The following HSPE1 variants were observed in gnomAD, a reference collection of about 807,000 sequenced individuals.
HSPE1 encodes the protein 10 kDa heat shock protein, mitochondrial.
In HSPE1, 1 loss-of-function variant was observed where a neutral mutation model predicts 13.2. That is an observed-to-expected ratio of 0.08 (90% CI 0.03 to 0.36). The LOEUF is 0.36. HSPE1 is among the 10% of genes least tolerant of loss of function. The pLI is 0.99. For missense variants in HSPE1, 73 were observed against 118.7 expected (o/e 0.62, Z 1.79); for synonymous variants, 44 against 42.0 (o/e 1.05, Z -0.19).
intron 1 of HSPE1, chr2:197,500,675 C>T (rs2086240308): frequency 1.3e-5 from 8 of 628,228 alleles, no homozygotes; most frequent in Non-Finnish European, 1.9e-5. Context: ...CGGGCGCACG[C>T]GCAGCGTCTC....
intron 2 of HSPE1, 35 bp downstream of exon 2, chr2:197,501,273 G>T (rs1396901783): frequency 6.4e-7 from 1 of 1,563,526 alleles, no homozygotes; most frequent in Admixed American, 2.0e-5. Context: ...ATTTTTTATA[G>T]TGTGCAGTGG....
chr2:197,502,548 T>C (rs2086270265), intron 2 of HSPE1, among the ~76,000 whole-genome samples: 2 of 152,148 alleles, frequency 1.3e-5, no homozygotes, highest in African/African-American at 4.8e-5. Context: ...TTAGCTGCAG[T>C]CCCTTTCCCC....
At position 197,503,295 on chromosome 2, in the gene HSPE1, T is replaced by C. The variant is rs772470500; in HGVS notation, c.*36T>C. 2.3e-6 allele frequency: 3 copies of C among 1,332,586 alleles called. No individual in the cohort carries two copies. In the East Asian group the frequency reaches 6.9e-5, roughly 31 times the overall value. The allele number at this position is 1,332,586 out of a possible 1,614,324, so 82.5% of individuals were successfully genotyped here. A position where few individuals can be genotyped will look rare whatever the true frequency, so the allele number is the denominator to read the frequency against. On this transcript the variant is annotated 3_prime_UTR_variant, in exon 4 of 4. Coordinates refer to ENST00000233893, the MANE Select transcript of HSPE1 (RefSeq NM_002157.3). ...TATTGAAATGGCATCAACATGATGCTGCCCATTCCACTGAAGTTCTGAAAT... is the reference window on the plus strand; with the variant it reads ...TATTGAAATGGCATCAACATGATGCCGCCCATTCCACTGAAGTTCTGAAAT...
intron 1 of HSPE1, chr2:197,500,673 C>G: frequency 1.6e-6 from 1 of 629,756 alleles, no homozygotes; most frequent in Admixed American, 2.9e-5. Context: ...CCCGGGCGCA[C>G]GCGCAGCGTC....
In HSPE1 at chr2:197,503,029, C is replaced by CT; in HGVS notation, c.169-4dup. On this transcript the variant is annotated splice_polypyrimidine_tract_variant and intron_variant, in intron 2 of 3. Coordinates refer to ENST00000233893, the MANE Select transcript of HSPE1 (RefSeq NM_002157.3). ...ATATCTTTGCTAATAAACATCCTTCCTTTTTTAAGGGTGGAGAGATTCAAC... is the reference window on the plus strand; with the variant it reads ...ATATCTTTGCTAATAAACATCCTTCCTTTTTTTAAGGGTGGAGAGATTCAAC... 2 of 1,538,858 alleles carry CT rather than the reference C, an allele frequency of 1.3e-6. No individual in the cohort carries two copies. Among genetic ancestry groups the CT allele is most frequent in the Admixed American group, 1.7e-5 (1 of 58,494 alleles).
At chr2:197,500,837 A>T in intron 1 of HSPE1, 1 of 597,368 alleles carries the variant, frequency 1.7e-6, no homozygotes, top group South Asian at 2.2e-5. Context: ...GGTTGACCTT[A>T]AAGCTGGTCT....
chr2:197,501,270 A>G, intron 2 of HSPE1, 32 bp downstream of exon 2: 2 of 1,580,078 alleles, frequency 1.3e-6, no homozygotes, highest in Non-Finnish European at 1.7e-6. Flanking sequence ...ACTATTTTTT[A>G]TAGTGTGCAG....
chr2:197,501,413 TTTTA>T, intron 2 of HSPE1, 175 bp downstream of exon 2: 1 of 723,168 alleles, frequency 1.4e-6, no homozygotes, highest in Non-Finnish European at 2.2e-6. Flanking sequence ...AAGTTGCTTA[TTTTA>T]TATGACCAAT....
chr2:197,501,230 A>G lies in HSPE1; in HGVS notation c.160A>G (p.Lys54Glu). Residue 54 changes from lysine to glutamate, a missense_variant, in exon 2 of 4, where the codon AAA becomes GAA. Physicochemically the swap from Lys to Glu is moderately conservative, Grantham distance 56 (BLOSUM62 1). Transcript: ENST00000233893. Reference protein sequence around the residue: ...ATVVAVGSGSKGKGGEIQPVS... With the variant: ...ATVVAVGSGSEGKGGEIQPVS... ...AGTAGTCGCTGTTGGATCGGGTTCTAAAGGAAAGGTAAATGGGAGCTGCAG... is the reference window on the plus strand; with the variant it reads ...AGTAGTCGCTGTTGGATCGGGTTCTGAAGGAAAGGTAAATGGGAGCTGCAG... 17 of 1,611,560 alleles carry G rather than the reference A, an allele frequency of 1.1e-5. No homozygotes were observed. The highest frequency in any genetic ancestry group is 1.4e-5 in the Non-Finnish European group (16 of 1,178,530).
At position 197,503,114 on chromosome 2, in the gene HSPE1, G is replaced by C. The variant is rs780261670; in HGVS notation, c.244G>C (p.Val82Leu). Reference protein sequence around the residue: ...LLPEYGGTKVVLDDKDYFLFR... With the variant: ...LLPEYGGTKVLLDDKDYFLFR... ...CCCAGAATATGGAGGCACCAAAGTA[G>C]TTCTAGATGACAAGGTGTGTAAACT... The change falls in exon 3 of 4, where the codon GTT (valine) becomes CTT (leucine). Residue 82 changes from valine to leucine, a missense_variant. Transcript: ENST00000233893. 1 of 1,603,804 alleles carries C rather than the reference G, an allele frequency of 6.2e-7. No individual in the cohort carries two copies. The highest frequency in any genetic ancestry group is 8.5e-7 in the Non-Finnish European group (1 of 1,171,300).
intron 2 of HSPE1, 135 bp from the exon 3 acceptor site, chr2:197,502,904 C>G (rs559937415): frequency 3.2e-6 from 2 of 617,676 alleles, no homozygotes; most frequent in South Asian, 4.1e-5. Flanking sequence ...AGTCGTATCA[C>G]TTAGCCACGA....
intron 3 of HSPE1, 34 bp downstream of exon 3, chr2:197,503,162 G>A: frequency 6.3e-7 from 1 of 1,578,438 alleles, no homozygotes; most frequent in Non-Finnish European, 8.7e-7. Flanking sequence ...AAAGAAGTCA[G>A]ATATTTGCAA....
intron 2 of HSPE1, among the ~76,000 whole-genome samples, chr2:197,501,826 T>C (rs1206712442): frequency 6.6e-6 from 1 of 151,758 alleles, no homozygotes; most frequent in Non-Finnish European, 1.5e-5. Context: ...TGATCAGTGT[T>C]TGCCTTACAT....
At position 197,502,629 on chromosome 2, in the gene HSPE1, T is replaced by C. The variant is rs138605020; in HGVS notation, c.169-410T>C. ...TAAATCCAAAAAAACTTTAAATTTT[T>C]GTATGTTGAAAGAAGGAAAATATGA... On this transcript the variant is annotated intron_variant, in intron 2 of 3. Transcript: ENST00000233893. 1.3e-4 allele frequency among the ~76,000 whole-genome samples: 20 copies of C among 152,342 alleles called. No individual in the cohort carries two copies. The East Asian group carries it at 3.3e-3, about 25-fold the overall frequency.
intron 2 of HSPE1, 52 bp downstream of exon 2, chr2:197,501,290 A>T: frequency 6.5e-7 from 1 of 1,527,772 alleles, no homozygotes; most frequent in Non-Finnish European, 8.8e-7. Flanking sequence ...GTGGAGGGAA[A>T]AGAAGTAATT....
In HSPE1 at chr2:197,503,271, A is replaced by G. The variant is rs200906251; in HGVS notation, c.*12A>G. ...AGTACGTAGACTGAAATAAGTCACT[A>G]TTGAAATGGCATCAACATGATGCTG... On this transcript the variant is annotated 3_prime_UTR_variant, in exon 4 of 4. Transcript: ENST00000233893. 280 of 1,565,426 alleles carry G rather than the reference A, an allele frequency of 1.8e-4. 1 individual carries two copies. Among genetic ancestry groups the G allele is most frequent in the Non-Finnish European group, 1.1e-5 (13 of 1,142,596 alleles).
At chr2:197,501,018 C>G in intron 1 of HSPE1, 56 bp from the exon 2 acceptor site, 1 of 1,589,492 alleles carries the variant, frequency 6.3e-7, no homozygotes, top group Non-Finnish European at 8.6e-7. Context: ...GTGGCGTTGC[C>G]TGTTGATAAT....
chr2:197,500,529 G>T, intron 1 of HSPE1, 90 bp downstream of exon 1: 2 of 1,482,208 alleles, frequency 1.3e-6, no homozygotes, highest in South Asian at 2.4e-5. Flanking sequence ...TGGGCTGGGC[G>T]GGAGGGATTG....
chr2:197,502,402 C>A (rs745986507), intron 2 of HSPE1, among the ~76,000 whole-genome samples: 1 of 152,186 alleles, frequency 6.6e-6, no homozygotes, highest in Non-Finnish European at 1.5e-5. Flanking sequence ...TTCTAAAGAT[C>A]TCAGCCAAAA....
Sources: gnomAD v4.1 joint callset for allele counts (sites outside exome capture counted in the v4.1 genomes callset) on GRCh38, gnomAD v4.1.1 for gene constraint, MANE v1.5 for transcripts, NCBI Gene and HGNC (gene_info 2026-07-23, HGNC 2026-07-21) for gene names.